Variants in ADTRP observed in about 807,000 individuals in gnomAD.
ADTRP encodes androgen dependent TFPI regulating protein, also known as androgen-dependent TFPI-regulating protein.
ADTRP carries 20 observed loss-of-function variants against 27.0 expected under a neutral mutation model. The observed-to-expected ratio is 0.74, with a 90% CI of 0.52 to 1.08. The LOEUF (loss-of-function observed/expected upper bound fraction) is 1.08. ADTRP is among the 50% of genes least tolerant of loss of function. ADTRP has a pLI of 0.00. For synonymous variants in ADTRP, 101 were observed against 105.2 expected (o/e 0.96, Z 0.25); for missense variants, 251 against 275.0 (o/e 0.91, Z 0.62).
chr6:11,756,263 G>A (rs966564860), intron 3 of ADTRP, among the ~76,000 whole-genome samples: 3 of 152,162 alleles, frequency 2.0e-5, no homozygotes, highest in Admixed American at 2.0e-4. Flanking sequence ...CTACTTGGGA[G>A]GCTGAGGCTG....
intron 3 of ADTRP, among the ~76,000 whole-genome samples, chr6:11,764,414 T>A (rs1455261635): frequency 6.6e-6 from 1 of 152,212 alleles, no homozygotes; most frequent in Non-Finnish European, 1.5e-5. Flanking sequence ...GCTAGGTGCA[T>A]TTGGCACCAC....
At chr6:11,758,646 C>A (rs1288994279) in intron 3 of ADTRP, among the ~76,000 whole-genome samples, 3 of 149,694 alleles carry the variant, frequency 2.0e-5, no homozygotes, top group Non-Finnish European at 4.4e-5. Flanking sequence ...TGCAGCACAC[C>A]AACATGGCAC....
chr6:11,735,717 G>A, intron 3 of ADTRP, 34 bp from the exon 4 acceptor site: 1 of 1,422,568 alleles, frequency 7.0e-7, no homozygotes, highest in Non-Finnish European at 9.9e-7. Context: ...CAGAATGGCA[G>A]GGTGTCCAGG....
At chr6:11,773,983 GT>G (rs1405881910) in intron 1 of ADTRP, among the ~76,000 whole-genome samples, 1 of 152,170 alleles carries the variant, frequency 6.6e-6, no homozygotes, top group Non-Finnish European at 1.5e-5. Context: ...GGCAGAAATA[GT>G]TAAGTGTATT....
chr6:11,770,366 A>T (rs1581371085), intron 1 of ADTRP, among the ~76,000 whole-genome samples: 1 of 152,238 alleles, frequency 6.6e-6, no homozygotes, highest in East Asian at 1.9e-4. Flanking sequence ...GGAAATTCAG[A>T]CCCTGCAGTC....
At chr6:11,716,368 G>A (rs902000602) in intron 5 of ADTRP, among the ~76,000 whole-genome samples, 1 of 152,118 alleles carries the variant, frequency 6.6e-6, no homozygotes, top group Non-Finnish European at 1.5e-5. Flanking sequence ...AGCAGACATG[G>A]TGGTATGAAG....
In ADTRP at chr6:11,778,610, A is replaced by C; in HGVS notation, c.150T>G (p.Asn50Lys). Residue 50 changes from asparagine (N) to lysine (K), a missense_variant, in exon 1 of 6, where the codon AAT becomes AAG. Asn to Lys is a moderately conservative substitution (Grantham distance 94). Coordinates refer to ENST00000414691, the MANE Select transcript of ADTRP (RefSeq NM_032744.4). ...TGGTACGGACATATGGACTTACCAG[A>C]TTAAGCAGCGTCATATATTTCCACC... is the stretch of plus-strand genomic sequence containing the variant. ...GARWKYMTLL[N>K]LLLQTIFYGV... 6.2e-7 allele frequency: 1 copy of C among 1,614,184 alleles called. No homozygotes were observed. Among genetic ancestry groups the C allele is most frequent in the Non-Finnish European group, 8.5e-7 (1 of 1,180,020 alleles).
Position 11,758,578 on chromosome 6 carries a change from G to GGGC in ADTRP, c.390+7695_390+7696insGCC, listed in dbSNP as rs545481586. On this transcript the variant is annotated intron_variant, in intron 3 of 5. Coordinates refer to ENST00000414691, the MANE Select transcript of ADTRP (RefSeq NM_032744.4). ...CACACCGGGGACTGTTGTGGGGTGG[G>GGGC]GGGGGGGGACGGATAGCATTAGGAG... Among the ~76,000 whole-genome samples, 8 of 119,920 alleles carry GGGC rather than the reference G, an allele frequency of 6.7e-5. No homozygotes were observed. The South Asian group carries it at 2.7e-3, about 40-fold the overall frequency. 78.7% of individuals were successfully genotyped at this position (119,920 alleles called of 152,430 possible).
At chr6:11,770,871 G>A (rs931603069) in intron 1 of ADTRP, among the ~76,000 whole-genome samples, 1 of 152,184 alleles carries the variant, frequency 6.6e-6, no homozygotes, top group Non-Finnish European at 1.5e-5. Flanking sequence ...TAGTTAGGAA[G>A]AGCAGGCACA....
At chr6:11,767,397 G>T (rs2113336243) in intron 2 of ADTRP, among the ~76,000 whole-genome samples, 1 of 152,302 alleles carries the variant, frequency 6.6e-6, no homozygotes, top group African/African-American at 2.4e-5. Flanking sequence ...GTGGGCAGAG[G>T]TAGAGGTATC....
Position 11,714,371 on chromosome 6 carries a change from A to T in ADTRP, c.*107T>A. 1 of 1,281,352 alleles carries T rather than the reference A, an allele frequency of 7.8e-7. No individual in the cohort carries two copies. The highest frequency in any genetic ancestry group is 1.1e-6 in the Non-Finnish European group (1 of 907,570). The allele number at this position is 1,281,352 out of a possible 1,614,324, so 79.4% of individuals were successfully genotyped here. ...TTAAGTATCACTCTCTGTCCCTCCT[A>T]CTTTGCTATGTTCCTCCACCACCTC... On this transcript the variant is annotated 3_prime_UTR_variant, in exon 6 of 6. Transcript: ENST00000414691.
chr6:11,770,182 G>A (rs1432975351), intron 1 of ADTRP: 3 of 1,173,802 alleles, frequency 2.6e-6, no homozygotes, highest in African/African-American at 3.0e-5. Flanking sequence ...TCTCCAGGTG[G>A]GAGAATGAAC....
chr6:11,761,117 C>A (rs1032567384), intron 3 of ADTRP, among the ~76,000 whole-genome samples: 1 of 152,212 alleles, frequency 6.6e-6, no homozygotes, highest in Non-Finnish European at 1.5e-5. Context: ...GCTGCCTGAG[C>A]CTTTCTTCTG....
chr6:11,739,291 GA>G (rs1242606201), intron 3 of ADTRP, among the ~76,000 whole-genome samples: 1 of 152,158 alleles, frequency 6.6e-6, no homozygotes, highest in African/African-American at 2.4e-5. Context: ...ATCATGGGCT[GA>G]AACAATAGCA....
chr6:11,740,295 A>C (rs1762675313), intron 3 of ADTRP, among the ~76,000 whole-genome samples: 1 of 152,240 alleles, frequency 6.6e-6, no homozygotes, highest in African/African-American at 2.4e-5. Flanking sequence ...TTACGGATAA[A>C]TATTTTTAAG....
At chr6:11,774,311 AAAATAAAT>A (rs140361069) in intron 1 of ADTRP, among the ~76,000 whole-genome samples, 5 of 144,614 alleles carry the variant, frequency 3.5e-5, no homozygotes, top group African/African-American at 5.1e-5. Context: ...TTCCATCTCA[AAAATAAAT>A]AAATAAATAA....
intron 5 of ADTRP, among the ~76,000 whole-genome samples, chr6:11,722,528 G>T (rs937565812): frequency 3.9e-5 from 6 of 152,098 alleles, no homozygotes; most frequent in Non-Finnish European, 8.8e-5. Flanking sequence ...CTTATATACA[G>T]AATCAGGGTA....
chr6:11,765,533 G>C (rs1032206542), intron 3 of ADTRP, among the ~76,000 whole-genome samples: 4 of 151,858 alleles, frequency 2.6e-5, no homozygotes, highest in Non-Finnish European at 5.9e-5. Context: ...CACAGAATCT[G>C]AGACCTTTTT....
intron 5 of ADTRP, among the ~76,000 whole-genome samples, chr6:11,715,778 C>T (rs1471138698): frequency 7.4e-6 from 1 of 135,424 alleles, no homozygotes; most frequent in Admixed American, 7.7e-5. Context: ...GACTAGTTGG[C>T]ACTAGAGGTG....
Sources: allele counts gnomAD v4.1 joint callset (sites outside exome capture counted in the v4.1 genomes callset), GRCh38; gene constraint gnomAD v4.1.1; transcripts MANE v1.5; gene names NCBI Gene and HGNC (gene_info 2026-07-23, HGNC 2026-07-21).